The following SREBF2 variants were observed in gnomAD, a reference collection of about 807,000 sequenced individuals.
SREBF2 encodes sterol regulatory element-binding protein 2.
In SREBF2, 55 loss-of-function variants were observed where a neutral mutation model predicts 113.1. That is an observed-to-expected ratio of 0.49 (90% CI 0.39 to 0.61). The LOEUF (loss-of-function observed/expected upper bound fraction) is 0.61. Among genes scored for constraint, SREBF2 ranks in the 20% least tolerant of loss-of-function variants. The pLI, the probability that SREBF2 is intolerant of heterozygous loss-of-function variation, is 0.00. For synonymous variants in SREBF2, 593 were observed against 605.7 expected (o/e 0.98, Z 0.31); for missense variants, 1,349 against 1,487.4 (o/e 0.91, Z 1.53).
At chr22:41,900,531 G>A (rs1371313358) in intron 16 of SREBF2, 33 bp downstream of exon 16, 1 of 1,608,076 alleles carries the variant, frequency 6.2e-7, no homozygotes, top group South Asian at 1.1e-5. Flanking sequence ...CCTGGGGGAG[G>A]TGCTCTGCAC....
chr22:41,905,353 G>A (rs2077498116), intron 18 of SREBF2, 87 bp from the exon 19 acceptor site: 13 of 1,275,920 alleles, frequency 1.0e-5, no homozygotes, highest in South Asian at 1.3e-5. Context: ...GGATGTGAGC[G>A]TTCAGTGAAT....
At chr22:41,902,341 T>C (rs985216544) in intron 16 of SREBF2, among the ~76,000 whole-genome samples, 1 of 152,206 alleles carries the variant, frequency 6.6e-6, no homozygotes, top group African/African-American at 2.4e-5. Context: ...ACAACAGCCC[T>C]GTGATGGTGC....
At chr22:41,839,190 G>A (rs1055095578) in intron 1 of SREBF2, among the ~76,000 whole-genome samples, 2 of 152,148 alleles carry the variant, frequency 1.3e-5, no homozygotes, top group Non-Finnish European at 2.9e-5. Flanking sequence ...GGAGCACTGG[G>A]GGAGTTAGGA....
Position 41,897,116 on chromosome 22 carries a change from A to T in SREBF2, c.2560A>T (p.Met854Leu). The change falls in exon 14 of 19, where the codon ATG becomes TTG. Residue 854 changes from methionine to leucine, a missense_variant. By Grantham distance (15) the Met-to-Leu change is conservative. This residue lies in a region of SREBF2 where 650 missense variants were observed against 644.1 expected (regional missense o/e 1.01). Coordinates refer to ENST00000361204, the MANE Select transcript of SREBF2 (RefSeq NM_004599.4). ...TTCTTTTGTGGACTCTGTGGGGGTT[A>T]TGAGCCCCCCACTCTCCAGGAGCTC... ...LHSFVDSVGV[M>L]SPPLSRSSVL... The T allele has an allele frequency of 6.2e-7, 1 of 1,612,532 alleles. No individual in the cohort carries two copies. Among genetic ancestry groups the T allele is most frequent in the African/African-American group, 1.3e-5 (1 of 74,956 alleles).
Position 41,905,539 on chromosome 22 carries a change from G to A in SREBF2, c.3305G>A (p.Arg1102Gln), listed in dbSNP as rs757453217. The A allele has an allele frequency of 2.0e-5, 32 of 1,589,124 alleles. No individual in the cohort carries two copies. The highest frequency in any genetic ancestry group is 9.2e-5 in the South Asian group (8 of 87,244). ...TCCTTCCTCTCCTCCCCGGGCCAGC[G>A]GGCAGTGCTGCTGGCCGAAGCTGCC... ...PLSFLSSPGQ[R>Q]AVLLAEAART... The change falls in exon 19 of 19, where the codon CGG becomes CAG. Residue 1102 changes from arginine (R) to glutamine (Q), a missense_variant. This residue lies in a region of SREBF2 where 650 missense variants were observed against 644.1 expected (regional missense o/e 1.01). Coordinates refer to ENST00000361204, the MANE Select transcript of SREBF2 (RefSeq NM_004599.4).
intron 16 of SREBF2, among the ~76,000 whole-genome samples, chr22:41,900,753 C>CTG: frequency 6.6e-6 from 1 of 152,350 alleles, no homozygotes; most frequent in Middle Eastern, 3.4e-3. Context: ...CCTGCTGGCC[C>CTG]ATAGCCTCTG....
At chr22:41,844,185 G>C (rs1220354417) in intron 1 of SREBF2, among the ~76,000 whole-genome samples, 2 of 151,886 alleles carry the variant, frequency 1.3e-5, no homozygotes, top group African/African-American at 2.4e-5. Flanking sequence ...GTAAGGTGGG[G>C]GTTGGGTACC....
At chr22:41,849,416 A>G (rs556668477) in intron 1 of SREBF2, among the ~76,000 whole-genome samples, 2 of 152,082 alleles carry the variant, frequency 1.3e-5, no homozygotes, top group African/African-American at 4.8e-5. Context: ...GCTGGTCTTG[A>G]ACTCCTGACT....
intron 1 of SREBF2, 58 bp from the exon 2 acceptor site, chr22:41,866,773 A>G: frequency 5.0e-6 from 8 of 1,594,662 alleles, no homozygotes; most frequent in Non-Finnish European, 6.9e-6. Context: ...TTCTTAAGCA[A>G]GTTTGAAAGT....
At position 41,906,900 on chromosome 22, in the gene SREBF2, C is replaced by G. The variant is rs887627183; in HGVS notation, c.*1240C>G. On this transcript the variant is annotated 3_prime_UTR_variant, in exon 19 of 19. Coordinates refer to ENST00000361204, the MANE Select transcript of SREBF2 (RefSeq NM_004599.4). ...CTTTTCTGGGTCCCCAGGTGCAGCA[C>G]CTCCCGGAGACTGTTTCTCCCATGG... 6.6e-6 allele frequency: 1 copy of G among 152,176 alleles called. No homozygotes were observed. Among genetic ancestry groups the G allele is most frequent in the Non-Finnish European group, 1.5e-5 (1 of 68,044 alleles). The allele number at this position is 152,176 out of a possible 1,614,324, so 9.4% of individuals were successfully genotyped here.
chr22:41,870,814 C>T (rs757178733), intron 3 of SREBF2, 75 bp from the exon 4 acceptor site: 30 of 1,528,380 alleles, frequency 2.0e-5, no homozygotes, highest in Non-Finnish European at 2.7e-5. Context: ...CTTGGAAGGT[C>T]TATGCAGTAA....
chr22:41,891,498 C>T (rs747968736), intron 11 of SREBF2: 7 of 152,254 alleles, frequency 4.6e-5, no homozygotes, highest in Non-Finnish European at 8.8e-5. Flanking sequence ...GCAGTGTCTC[C>T]AGGTTCCCCC....
chr22:41,837,556 T>TAAAAA (rs764852977), intron 1 of SREBF2, among the ~76,000 whole-genome samples: 3 of 75,420 alleles, frequency 4.0e-5, no homozygotes, highest in African/African-American at 4.6e-5. Context: ...AGACTCTGTC[T>TAAAAA]AAAAAAAAAA....
intron 1 of SREBF2, among the ~76,000 whole-genome samples, chr22:41,853,253 C>T (rs1051416703): frequency 7.2e-5 from 11 of 152,114 alleles, no homozygotes; most frequent in African/African-American, 2.4e-4. Flanking sequence ...GTGCTTTGGC[C>T]CCTAACAACT....
chr22:41,866,942 G>GCAA lies in SREBF2; in HGVS notation c.200_201insCAA (p.Ser67_Gly68insAsn), dbSNP rs1275637908. 32 of 1,613,646 alleles carry GCAA rather than the reference G, an allele frequency of 2.0e-5. No individual in the cohort carries two copies. Among genetic ancestry groups the GCAA allele is most frequent in the Non-Finnish European group, 2.5e-5 (30 of 1,179,888 alleles). On this transcript the variant is annotated inframe_insertion, in exon 2 of 19. Coordinates refer to ENST00000361204, the MANE Select transcript of SREBF2 (RefSeq NM_004599.4). Reference sequence around the variant, plus strand: ...GGTAGTGGTAGCAGCAGCGGCAGCAGTGGCAGCAGCAGCAGCAGCAGCAAT... The same window carrying GCAA: ...GGTAGTGGTAGCAGCAGCGGCAGCAGCAATGGCAGCAGCAGCAGCAGCAGCAAT...
chr22:41,840,007 T>C (rs1258093417), intron 1 of SREBF2, among the ~76,000 whole-genome samples: 1 of 146,606 alleles, frequency 6.8e-6, no homozygotes, highest in African/African-American at 2.6e-5. Context: ...TCGCCCAGGC[T>C]GAAGTGCAGT....
intron 16 of SREBF2, among the ~76,000 whole-genome samples, chr22:41,902,497 C>A (rs1055248198): frequency 6.6e-6 from 1 of 152,136 alleles, no homozygotes; most frequent in African/African-American, 2.4e-5. Flanking sequence ...TTCTGAGACA[C>A]CTGTCTCCCT....
chr22:41,859,768 C>T (rs2077008409), intron 1 of SREBF2, among the ~76,000 whole-genome samples: 1 of 150,646 alleles, frequency 6.6e-6, no homozygotes, highest in Non-Finnish European at 1.5e-5. Context: ...GTAAAACTTG[C>T]CCCAGGTTCC....
chr22:41,859,987 A>G (rs1419277467), intron 1 of SREBF2, among the ~76,000 whole-genome samples: 1 of 151,198 alleles, frequency 6.6e-6, no homozygotes, highest in Non-Finnish European at 1.5e-5. Flanking sequence ...TTATATTTTT[A>G]GTAGAGACGG....
Sources: gnomAD v4.1 joint callset for allele counts (sites outside exome capture counted in the v4.1 genomes callset) on GRCh38, gnomAD v4.1.1 for gene constraint, gnomAD v4.1.1 regional missense constraint, MANE v1.5 for transcripts, NCBI Gene and HGNC (gene_info 2026-07-23, HGNC 2026-07-21) for gene names.